Variants in UQCC4 observed in about 807,000 individuals in gnomAD.
UQCC4 encodes the protein cattle cerebrum and skeletal muscle-specific protein 1 family member.
the UQCC4 span, chr16:1,420,549 G>C: frequency 6.2e-7 from 1 of 1,613,316 alleles, no homozygotes; most frequent in African/African-American, 1.3e-5. Context: ...CCCGATCCCG[G>C]GAACCGGGCA....
chr16:1,420,118 C>G, the UQCC4 span: 2 of 1,613,420 alleles, frequency 1.2e-6, no homozygotes, highest in Non-Finnish European at 1.7e-6. Flanking sequence ...AGCCAAGTGC[C>G]CCATCCACCA....
At chr16:1,420,586 C>A in the UQCC4 span, 2 of 1,601,446 alleles carry the variant, frequency 1.2e-6, no homozygotes, top group African/African-American at 1.3e-5. Context: ...GGAAGCCCAG[C>A]CTATGAGCCT....
At chr16:1,420,524 C>T in the UQCC4 span, 1 of 1,614,044 alleles carries the variant, frequency 6.2e-7, no homozygotes, top group Non-Finnish European at 8.5e-7. Context: ...TCCTCTTCCT[C>T]GGCGGCAGGG....
At chr16:1,420,146 T>A in the UQCC4 span, 1 of 1,613,750 alleles carries the variant, frequency 6.2e-7, no homozygotes, top group Non-Finnish European at 8.5e-7. Context: ...CCTTCAGTGC[T>A]GAGGACGCAC....
chr16:1,420,293 G>C, the UQCC4 span: 5 of 1,614,128 alleles, frequency 3.1e-6, no homozygotes, highest in Non-Finnish European at 4.2e-6. Flanking sequence ...TCCTCAGAAC[G>C]ATCACTGGGC....
the UQCC4 span, chr16:1,420,347 C>A: frequency 1.9e-6 from 3 of 1,614,226 alleles, no homozygotes; most frequent in Non-Finnish European, 2.5e-6. Context: ...TGGTCCGCCT[C>A]GCTCTCCTCC....
the UQCC4 span, chr16:1,420,672 C>G: frequency 7.7e-6 from 12 of 1,549,016 alleles, no homozygotes; most frequent in South Asian, 5.9e-5. Flanking sequence ...CTCGGCCCTC[C>G]GAGACCTTGA....
At chr16:1,420,137 C>T in the UQCC4 span, 5 of 1,613,484 alleles carry the variant, frequency 3.1e-6, no homozygotes, top group African/African-American at 6.7e-5. Context: ...CAGCCAAGTC[C>T]TTCAGTGCTG....
chr16:1,420,190 T>G, the UQCC4 span: 1 of 1,614,088 alleles, frequency 6.2e-7, no homozygotes, highest in Non-Finnish European at 8.5e-7. Context: ...AAACGTGACA[T>G]CAAATCCGAA....
chr16:1,420,271 G>A, the UQCC4 span: 1,744 of 1,613,812 alleles, frequency 1.1e-3, 29 homozygotes, highest in African/African-American at 0.021. Flanking sequence ...GTAGGCAGCT[G>A]GAGTCTCAGG....
the UQCC4 span, chr16:1,420,725 G>A: frequency 1.3e-6 from 2 of 1,539,110 alleles, no homozygotes; most frequent in Non-Finnish European, 8.7e-7. Context: ...ACGATTCATT[G>A]CTGCCTTGAC....
chr16:1,419,805 A>G, the UQCC4 span: 3 of 865,252 alleles, frequency 3.5e-6, no homozygotes, highest in Admixed American at 1.0e-4. Context: ...TAAAACTCAC[A>G]TGTGGAAGTG....
chr16:1,420,066 C>T, the UQCC4 span: 5 of 1,612,800 alleles, frequency 3.1e-6, no homozygotes, highest in African/African-American at 5.3e-5. Context: ...GAGCAGTTTC[C>T]GATCTGCTGA....
the UQCC4 span, chr16:1,420,211 C>G: frequency 6.2e-7 from 1 of 1,613,834 alleles, no homozygotes; most frequent in Non-Finnish European, 8.5e-7. Flanking sequence ...GGGCGGCTGT[C>G]GGCTCCCTTC....
chr16:1,420,637 C>G, the UQCC4 span: 1 of 1,549,588 alleles, frequency 6.5e-7, no homozygotes, highest in Non-Finnish European at 8.7e-7. Context: ...GCAGTAAGCG[C>G]TCCGCCCGCC....
the UQCC4 span, chr16:1,419,920 C>G: frequency 8.9e-6 from 13 of 1,462,634 alleles, no homozygotes; most frequent in Admixed American, 1.8e-5. Context: ...ACAAGTGTCA[C>G]CAGAAGTGCT....
At chr16:1,420,205 G>A in the UQCC4 span, 88 of 1,613,902 alleles carry the variant, frequency 5.5e-5, no homozygotes, top group African/African-American at 9.6e-4. Flanking sequence ...TCCGAAGGGC[G>A]GCTGTCGGCT....
chr16:1,420,597 C>A, the UQCC4 span: 26 of 1,589,488 alleles, frequency 1.6e-5, no homozygotes, highest in Non-Finnish European at 2.1e-5. Flanking sequence ...CTATGAGCCT[C>A]AGCGCCCGGA....
At chr16:1,419,812 A>T in the UQCC4 span, 1 of 956,294 alleles carries the variant, frequency 1.0e-6, no homozygotes, top group Admixed American at 3.2e-5. Context: ...CACATGTGGA[A>T]GTGTTCCTTG....
Sources: allele counts gnomAD v4.1 joint callset, GRCh38; gene constraint gnomAD v4.1.1; transcripts MANE v1.5; gene names NCBI Gene and HGNC (gene_info 2026-07-23, HGNC 2026-07-21).